The following SPATS2 variants were observed in gnomAD, a reference collection of about 807,000 sequenced individuals.
The protein encoded by SPATS2 is spermatogenesis-associated serine-rich protein 2.
In SPATS2, 38 loss-of-function variants were observed where a neutral mutation model predicts 63.7. That is an observed-to-expected ratio of 0.60 (90% CI 0.46 to 0.78). SPATS2 has a LOEUF of 0.78. SPATS2 is among the 30% of genes least tolerant of loss of function. The pLI is 0.00. For synonymous variants in SPATS2, 207 were observed against 232.9 expected, an observed-to-expected ratio of 0.89 and a Z score of 1.01; for missense variants, 588 against 666.2, an observed-to-expected ratio of 0.88 and a Z score of 1.29.
At chr12:49,457,830 C>G (rs1040250514) in intron 2 of SPATS2, among the ~76,000 whole-genome samples, 1 of 151,946 alleles carries the variant, frequency 6.6e-6, no homozygotes, top group Non-Finnish European at 1.5e-5. Flanking sequence ...GTTCTTTTTT[C>G]TAAAATCTTA....
intron 1 of SPATS2, among the ~76,000 whole-genome samples, chr12:49,368,157 T>C (rs1943936059): frequency 6.6e-6 from 1 of 152,180 alleles, no homozygotes; most frequent in Admixed American, 6.5e-5. Flanking sequence ...ATTCAGTCAG[T>C]TTTGGACTAC....
chr12:49,392,732 A>G (rs1039880466), intron 2 of SPATS2, among the ~76,000 whole-genome samples: 16 of 152,132 alleles, frequency 1.1e-4, no homozygotes, highest in Admixed American at 9.2e-4. Flanking sequence ...AAACAAACAA[A>G]AAGAAATATT....
At chr12:49,431,925 G>A (rs953686422) in intron 2 of SPATS2, among the ~76,000 whole-genome samples, 15 of 152,098 alleles carry the variant, frequency 9.9e-5, no homozygotes, top group Non-Finnish European at 1.9e-4. Flanking sequence ...CCAGCTACTC[G>A]GGAGGATCGT....
intron 2 of SPATS2, among the ~76,000 whole-genome samples, chr12:49,396,932 T>A (rs996770967): frequency 6.6e-6 from 1 of 152,206 alleles, no homozygotes; most frequent in Non-Finnish European, 1.5e-5. Flanking sequence ...GATTCCACTC[T>A]TGTACCCCTA....
At chr12:49,427,568 A>G (rs567322876) in intron 2 of SPATS2, among the ~76,000 whole-genome samples, 10 of 152,228 alleles carry the variant, frequency 6.6e-5, no homozygotes, top group Non-Finnish European at 5.9e-5. Context: ...TTACAAAATA[A>G]TGCTGTATTC....
intron 2 of SPATS2, among the ~76,000 whole-genome samples, chr12:49,402,439 G>A (rs1253314599): frequency 6.6e-6 from 1 of 152,172 alleles, no homozygotes; most frequent in Non-Finnish European, 1.5e-5. Context: ...AAAAGATACA[G>A]AATGGTGATT....
intron 2 of SPATS2, among the ~76,000 whole-genome samples, chr12:49,395,811 G>A (rs1431928147): frequency 1.3e-5 from 2 of 152,198 alleles, no homozygotes; most frequent in Admixed American, 6.5e-5. Context: ...GTACAATACT[G>A]TAATATTAAC....
rs559044416 is a variant in SPATS2, at chr12:49,425,362, G to A, written c.-243-35408G>A. On this transcript the variant is annotated intron_variant, in intron 2 of 13. Coordinates refer to ENST00000552918, the MANE Select transcript of SPATS2 (RefSeq NM_023071.4). Reference sequence around the variant, plus strand: ...TACTTTTGTTTTTCTTTTCTTTTTTGTAGACAGGGTCTCACTCTGTTGCAG... The same window carrying A: ...TACTTTTGTTTTTCTTTTCTTTTTTATAGACAGGGTCTCACTCTGTTGCAG... Among the ~76,000 whole-genome samples, 7 of 151,878 alleles carry A rather than the reference G, an allele frequency of 4.6e-5. No homozygotes were observed. In the South Asian group the frequency reaches 1.5e-3, roughly 32 times the overall value.
At chr12:49,435,629 G>T (rs1945264534) in intron 2 of SPATS2, among the ~76,000 whole-genome samples, 1 of 143,342 alleles carries the variant, frequency 7.0e-6, no homozygotes, top group Non-Finnish European at 1.5e-5. Flanking sequence ...CCCGGCTACT[G>T]AATGGTTTCT....
intron 4 of SPATS2, among the ~76,000 whole-genome samples, chr12:49,488,838 T>C (rs1946338539): frequency 6.6e-6 from 1 of 152,116 alleles, no homozygotes; most frequent in African/African-American, 2.4e-5. Flanking sequence ...CAAAAGCACG[T>C]ATGGAAATAA....
chr12:49,433,223 C>T (rs941705998), intron 2 of SPATS2, among the ~76,000 whole-genome samples: 3 of 152,170 alleles, frequency 2.0e-5, no homozygotes, highest in Non-Finnish European at 4.4e-5. Flanking sequence ...AGTGCAGTTG[C>T]GTGATCTCAG....
At chr12:49,417,129 G>T (rs1245892771) in intron 2 of SPATS2, among the ~76,000 whole-genome samples, 1 of 152,180 alleles carries the variant, frequency 6.6e-6, no homozygotes, top group African/African-American at 2.4e-5. Context: ...GGGAACTTTG[G>T]ACTGACATTT....
intron 2 of SPATS2, among the ~76,000 whole-genome samples, chr12:49,405,626 G>A (rs1944680046): frequency 6.6e-6 from 1 of 152,112 alleles, no homozygotes; most frequent in Admixed American, 6.6e-5. Context: ...TTGAACCCGG[G>A]AGGTAGAGGT....
At chr12:49,431,280 G>A (rs1356285929) in intron 2 of SPATS2, among the ~76,000 whole-genome samples, 5 of 150,586 alleles carry the variant, frequency 3.3e-5, no homozygotes, top group African/African-American at 4.9e-5. Flanking sequence ...GTGGAGCCTC[G>A]CTCTGTCGCC....
At chr12:49,408,252 C>CTTTTT (rs201465422) in intron 2 of SPATS2, among the ~76,000 whole-genome samples, 1 of 137,108 alleles carries the variant, frequency 7.3e-6, no homozygotes, top group African/African-American at 2.7e-5. Context: ...TAGTATTCTT[C>CTTTTT]TTTTTTTTTT....
intron 6 of SPATS2, among the ~76,000 whole-genome samples, chr12:49,492,404 T>C (rs1430256045): frequency 6.6e-6 from 1 of 151,874 alleles, no homozygotes; most frequent in Non-Finnish European, 1.5e-5. Flanking sequence ...TATTTTTTAG[T>C]AGAGACAGGG....
At chr12:49,489,629 T>C in intron 5 of SPATS2, 56 bp downstream of exon 5, 1 of 1,485,130 alleles carries the variant, frequency 6.7e-7, no homozygotes, top group Non-Finnish European at 9.2e-7. Flanking sequence ...AGAATTTGCT[T>C]CAGACTTTTA....
At chr12:49,436,125 G>A (rs1276960506) in intron 2 of SPATS2, among the ~76,000 whole-genome samples, 1 of 151,934 alleles carries the variant, frequency 6.6e-6, no homozygotes, top group African/African-American at 2.4e-5. Context: ...AACCGCCATT[G>A]TCATCATGGC....
intron 10 of SPATS2, among the ~76,000 whole-genome samples, chr12:49,516,986 T>C (rs1946862103): frequency 6.6e-6 from 1 of 152,228 alleles, no homozygotes; most frequent in African/African-American, 2.4e-5. Flanking sequence ...TTTTACATAT[T>C]ATAATTTTAT....
Sources: gnomAD v4.1 joint callset for allele counts (sites outside exome capture counted in the v4.1 genomes callset) on GRCh38, gnomAD v4.1.1 for gene constraint, MANE v1.5 for transcripts, NCBI Gene and HGNC (gene_info 2026-07-23, HGNC 2026-07-21) for gene names.